Variants in SCN2A observed in about 807,000 individuals in gnomAD.
The protein encoded by SCN2A is sodium channel protein type 2 subunit alpha.
Under a neutral mutation model 188.7 loss-of-function variants are expected in SCN2A, and 20 were observed. That is an observed-to-expected ratio of 0.11 (90% CI 0.07 to 0.15). The LOEUF (loss-of-function observed/expected upper bound fraction) is 0.15, where lower values mean the gene tolerates loss of function less well. SCN2A is among the 10% of genes least tolerant of loss of function. The pLI is 1.00. For missense variants in SCN2A, 1,278 were observed against 2,445.0 expected (o/e 0.52, Z 10.07); for synonymous variants, 804 against 833.1 (o/e 0.97, Z 0.60).
At chr2:165,248,717 T>C (rs1383457172) in intron 1 of SCN2A, among the ~76,000 whole-genome samples, 2 of 152,184 alleles carry the variant, frequency 1.3e-5, no homozygotes, top group Non-Finnish European at 2.9e-5. Flanking sequence ...TGTTGGTAAT[T>C]TAAGCCCCAA....
At chr2:165,366,717 C>CAAAAA (rs10680037) in intron 18 of SCN2A, among the ~76,000 whole-genome samples, 1 of 125,486 alleles carries the variant, frequency 8.0e-6, no homozygotes, top group African/African-American at 3.1e-5. Context: ...GACTCCCTCT[C>CAAAAA]AAAAAAAAAA....
intron 14 of SCN2A, among the ~76,000 whole-genome samples, chr2:165,334,466 T>C (rs1296026026): frequency 2.6e-5 from 4 of 151,876 alleles, no homozygotes; most frequent in African/African-American, 9.7e-5. Flanking sequence ...ATCCCAGTGA[T>C]GCAGGGCTGG....
chr2:165,277,626 T>A (rs889612620), intron 1 of SCN2A, among the ~76,000 whole-genome samples: 1 of 152,206 alleles, frequency 6.6e-6, no homozygotes, highest in African/African-American at 2.4e-5. Context: ...GTTTTGCATA[T>A]GTTTGCAAAT....
Position 165,313,620 on chromosome 2 carries a change from C to T in SCN2A, c.1035C>T (p.Gly345=). The T allele has an allele frequency of 1.2e-6, 2 of 1,613,330 alleles. No individual in the cohort carries two copies. The highest frequency in any genetic ancestry group is 1.7e-6 in the Non-Finnish European group (2 of 1,179,414). The change falls in exon 9 of 27, where the codon GGC becomes GGT. Residue 345 remains glycine, a splice_region_variant and synonymous_variant. Transcript: ENST00000375437. Reference sequence around the variant, plus strand: ...TTTCTTTCCTCTAACCTAATTATAGCCAGTGTCCTGAAGGATACATCTGTG... The same window carrying T: ...TTTCTTTCCTCTAACCTAATTATAGTCAGTGTCCTGAAGGATACATCTGTG... ...ALLCGNSSDA[G]QCPEGYICVK... is the part of the protein sequence containing the mutation.
At chr2:165,296,318 G>A (rs946772508) in intron 2 of SCN2A, 2 of 563,130 alleles carry the variant, frequency 3.6e-6, no homozygotes, top group South Asian at 2.1e-5. Context: ...GCATCCTCCA[G>A]CGCGGGAATT....
At chr2:165,270,707 C>T (rs1177787107) in intron 1 of SCN2A, 1 of 152,086 alleles carries the variant, frequency 6.6e-6, no homozygotes, top group Non-Finnish European at 1.5e-5. Context: ...GGGTTTGGGC[C>T]TTTGCTCATA....
chr2:165,289,729 T>C (rs995058673), intron 1 of SCN2A, among the ~76,000 whole-genome samples: 1 of 152,124 alleles, frequency 6.6e-6, no homozygotes, highest in Non-Finnish European at 1.5e-5. Context: ...CAAAAGTATC[T>C]TTGATGTGAA....
At chr2:165,354,964 C>T (rs1428495302) in intron 17 of SCN2A, among the ~76,000 whole-genome samples, 1 of 152,066 alleles carries the variant, frequency 6.6e-6, no homozygotes, top group East Asian at 1.9e-4. Flanking sequence ...TCTCAAAATG[C>T]CTCAATTTCT....
rs1702103211 is a variant in SCN2A, at chr2:165,391,034, AACAGGTAATATGATGTAATTGGT to A, written c.*1211_*1233del. The A allele has an allele frequency of 6.6e-6, 1 of 152,580 alleles. No individual in the cohort carries two copies. Among genetic ancestry groups the A allele is most frequent in the Non-Finnish European group, 1.5e-5 (1 of 68,006 alleles). The allele number at this position is 152,580 out of a possible 1,614,324, so 9.5% of individuals were successfully genotyped here. ...CAGTAAGTATAGTTTGCAAGCTTTCAACAGGTAATATGATGTAATTGGTTCCATTATAGTTTGAAGCTGTCACT... is the reference window on the plus strand; with the variant it reads ...CAGTAAGTATAGTTTGCAAGCTTTCATCCATTATAGTTTGAAGCTGTCACT... On this transcript the variant is annotated 3_prime_UTR_variant, in exon 27 of 27. Transcript: ENST00000375437.
At chr2:165,248,091 C>T (rs904568450) in intron 1 of SCN2A, among the ~76,000 whole-genome samples, 2 of 152,108 alleles carry the variant, frequency 1.3e-5, no homozygotes, top group African/African-American at 2.4e-5. Context: ...ACACTGCTAC[C>T]CTGCTCAAGC....
At chr2:165,292,536 G>A (rs747955184) in intron 1 of SCN2A, among the ~76,000 whole-genome samples, 2 of 151,914 alleles carry the variant, frequency 1.3e-5, no homozygotes, top group Non-Finnish European at 2.9e-5. Flanking sequence ...ATGTCCATGT[G>A]TACCCAATGT....
intron 1 of SCN2A, among the ~76,000 whole-genome samples, chr2:165,249,314 T>TA (rs890865273): frequency 4.6e-5 from 7 of 152,166 alleles, no homozygotes; most frequent in Non-Finnish European, 8.8e-5. Context: ...CTTTAATTCT[T>TA]ACAACCGTGT....
At position 165,315,708 on chromosome 2, in the gene SCN2A, T is replaced by C. The variant is rs763631456; in HGVS notation, c.1621T>C (p.Leu541=). 8.1e-6 allele frequency: 13 copies of C among 1,613,250 alleles called. No individual in the cohort carries two copies. In the Admixed American group the frequency reaches 8.4e-5, roughly 10 times the overall value. The change falls in exon 11 of 27, where the codon TTG becomes CTG. Residue 541 remains leucine, a synonymous_variant. Coordinates refer to ENST00000375437, the MANE Select transcript of SCN2A (RefSeq NM_001040142.2). ...AAGAAGAAAAGGTTTCCGTTTTTCC[T>C]TGGAAGGAAGTAGGCTGACATATGA... is the stretch of plus-strand genomic sequence containing the variant. ...SIRRKGFRFS[L]EGSRLTYEKR...
At chr2:165,388,532 T>A (rs1701989399) in intron 26 of SCN2A, 97 bp from the exon 27 acceptor site, 5 of 1,520,640 alleles carry the variant, frequency 3.3e-6, no homozygotes, top group Non-Finnish European at 4.5e-6. Flanking sequence ...TACCTAACTG[T>A]CCTGTTCACA....
chr2:165,364,300 G>A (rs939553391), intron 17 of SCN2A, among the ~76,000 whole-genome samples: 1 of 152,164 alleles, frequency 6.6e-6, no homozygotes, highest in Non-Finnish European at 1.5e-5. Context: ...TTAAGACCAG[G>A]TTAAAGACTG....
At chr2:165,377,997 A>C (rs982040288) in intron 23 of SCN2A, among the ~76,000 whole-genome samples, 2 of 151,776 alleles carry the variant, frequency 1.3e-5, no homozygotes, top group African/African-American at 4.8e-5. Flanking sequence ...TTTATCTGTA[A>C]TATATTTCCT....
intron 18 of SCN2A, among the ~76,000 whole-genome samples, chr2:165,365,765 A>C (rs1700694498): frequency 1.3e-5 from 2 of 152,178 alleles, no homozygotes; most frequent in Admixed American, 6.6e-5. Flanking sequence ...TCAAGGTCAA[A>C]TATTTTTTAT....
chr2:165,350,506 TC>T (rs1699844106), intron 16 of SCN2A, among the ~76,000 whole-genome samples: 2 of 123,384 alleles, frequency 1.6e-5, no homozygotes, highest in Admixed American at 1.8e-4. Flanking sequence ...GGAGTCTCGC[TC>T]TGTCGCCCAG....
At chr2:165,363,848 A>G (rs999864879) in intron 17 of SCN2A, among the ~76,000 whole-genome samples, 2 of 151,560 alleles carry the variant, frequency 1.3e-5, no homozygotes, top group African/African-American at 4.8e-5. Context: ...GAAGTATCTA[A>G]TATTTATGCT....
Sources: allele counts gnomAD v4.1 joint callset (sites outside exome capture counted in the v4.1 genomes callset), GRCh38; gene constraint gnomAD v4.1.1; transcripts MANE v1.5; gene names NCBI Gene and HGNC (gene_info 2026-07-23, HGNC 2026-07-21).